The following JADE2 variants were observed in gnomAD, a reference collection of about 807,000 sequenced individuals.
The protein encoded by JADE2 is E3 ubiquitin-protein ligase Jade-2.
A neutral mutation model predicts 85.7 loss-of-function variants in JADE2; 13 were observed. The observed-to-expected ratio is 0.15, with a 90% CI of 0.10 to 0.24. The LOEUF is 0.24. Ranked by LOEUF, JADE2 falls within the 10% of genes least tolerant of loss-of-function variation. JADE2 has a pLI of 1.00. For missense variants in JADE2, 846 were observed against 1,115.9 expected (o/e 0.76, Z 3.45); for synonymous variants, 440 against 456.1 (o/e 0.96, Z 0.45).
intron 10 of JADE2, 42 bp from the exon 11 acceptor site, chr5:134,576,726 A>G (rs1351074754): frequency 3.2e-6 from 5 of 1,549,832 alleles, no homozygotes; most frequent in Non-Finnish European, 4.4e-6. Flanking sequence ...GAGGCCACTC[A>G]GGGTAACCAT....
intron 10 of JADE2, chr5:134,574,077 G>A (rs942001527): frequency 1.0e-5 from 4 of 399,520 alleles, no homozygotes; most frequent in African/African-American, 2.1e-5. Context: ...CAGAGAAGAA[G>A]TCCTAGTGGC....
At chr5:134,576,620 C>A in intron 10 of JADE2, 148 bp from the exon 11 acceptor site, 2 of 1,008,442 alleles carry the variant, frequency 2.0e-6, no homozygotes, top group Non-Finnish European at 2.9e-6. Flanking sequence ...CCCCACCATG[C>A]CAGCCATCCC....
chr5:134,566,044 G>A lies in JADE2; in HGVS notation c.970-72G>A, dbSNP rs1763621149. 4 of 1,311,766 alleles carry A rather than the reference G, an allele frequency of 3.0e-6. No homozygotes were observed. Among genetic ancestry groups the A allele is most frequent in the Non-Finnish European group, 4.3e-6 (4 of 928,730 alleles). 81.3% of individuals were successfully genotyped at this position (1,311,766 alleles called of 1,614,324 possible). A position where few individuals can be genotyped will look rare whatever the true frequency, so the allele number is the denominator to read the frequency against. ...TGCGCATTCTCAGTAGAGCCCTGGG[G>A]GAAGCCCCTCTGTCTTCTCCCCTCC... On this transcript the variant is annotated intron_variant, in intron 8 of 11. Transcript: ENST00000681547. This position sits in a 1 kb window ranked among gnomAD's most constrained non-coding sequence, Gnocchi z 6.7.
chr5:134,579,411 C>A lies in JADE2; in HGVS notation c.*94C>A. The A allele has an allele frequency of 9.9e-7, 1 of 1,006,730 alleles. No individual in the cohort carries two copies. The highest frequency in any genetic ancestry group is 1.4e-6 in the Non-Finnish European group (1 of 705,882). The allele number at this position is 1,006,730 out of a possible 1,614,324, so 62.4% of individuals were successfully genotyped here. On this transcript the variant is annotated 3_prime_UTR_variant, in exon 12 of 12. Transcript: ENST00000681547. The surrounding 1 kb of genome is among the most constrained non-coding windows in gnomAD (Gnocchi z 4.6). ...CATTTCCAGTCTCTGCTGAGTGTCC[C>A]AGACCCTCGAGGCTGCCACTCCGTC...
chr5:134,565,430 C>T (rs1763580890), intron 8 of JADE2, among the ~76,000 whole-genome samples: 1 of 152,210 alleles, frequency 6.6e-6, no homozygotes, highest in Admixed American at 6.5e-5. Context: ...GGGACTAAGT[C>T]CAGCCCCTCT....
intron 3 of JADE2, among the ~76,000 whole-genome samples, chr5:134,546,146 TTTTGTTTTTTTGTTTG>T (rs1762282151): frequency 6.6e-6 from 1 of 150,588 alleles, no homozygotes; most frequent in Admixed American, 6.6e-5. Flanking sequence ...GCATTTCGTT[TTTTGTTTTTTTGTTTG>T]TTTGTTTGTT....
intron 1 of JADE2, among the ~76,000 whole-genome samples, chr5:134,533,351 T>C (rs1443896123): frequency 6.6e-6 from 1 of 152,170 alleles, no homozygotes; most frequent in Non-Finnish European, 1.5e-5. Flanking sequence ...GTTGTAAAAA[T>C]TCTGACTCAG....
chr5:134,530,809 T>C (rs1319450627), intron 1 of JADE2, among the ~76,000 whole-genome samples: 2 of 152,018 alleles, frequency 1.3e-5, no homozygotes, highest in Non-Finnish European at 2.9e-5. Flanking sequence ...AGGCAGGCTG[T>C]GAAAACAAGG....
Position 134,578,946 on chromosome 5 carries a change from G to A in JADE2, c.2134G>A (p.Ala712Thr). Residue 712 changes from alanine (A) to threonine (T), a missense_variant, in exon 12 of 12, where the codon GCC becomes ACC. Ala to Thr is a moderately conservative substitution (Grantham distance 58). Coordinates refer to ENST00000681547, the MANE Select transcript of JADE2 (RefSeq NM_001388185.1). This position sits in a 1 kb window ranked among gnomAD's most constrained non-coding sequence, Gnocchi z 4.4. ...TGCAGCCGGGGACTGTCCCATCCTA[G>A]CCACCCCTGAAAGCCCCCCGCCACT... ...SPAAGDCPIL[A>T]TPESPPPLAP... 6.2e-7 allele frequency: 1 copy of A among 1,613,092 alleles called. No individual in the cohort carries two copies. Among genetic ancestry groups the A allele is most frequent in the Non-Finnish European group, 8.5e-7 (1 of 1,179,788 alleles).
chr5:134,533,665 G>A, intron 1 of JADE2: 1 of 701,480 alleles, frequency 1.4e-6, no homozygotes, highest in Non-Finnish European at 1.7e-6. Flanking sequence ...GCTGGGCTGG[G>A]CTGAGCTGAG....
intron 1 of JADE2, among the ~76,000 whole-genome samples, chr5:134,533,774 T>G (rs1761407653): frequency 1.4e-5 from 2 of 138,096 alleles, no homozygotes; most frequent in Admixed American, 7.5e-5. Flanking sequence ...TGAGATAAGG[T>G]CTTACTCTGT....
At chr5:134,527,883 C>T (rs541541164) in intron 1 of JADE2, among the ~76,000 whole-genome samples, 1 of 152,292 alleles carries the variant, frequency 6.6e-6, no homozygotes, top group African/African-American at 2.4e-5. Flanking sequence ...CTGCGGCCGG[C>T]GATTCTGGTC....
chr5:134,535,938 C>T (rs1013835583), intron 2 of JADE2, 23 bp downstream of exon 2: 4 of 1,607,524 alleles, frequency 2.5e-6, no homozygotes, highest in Non-Finnish European at 3.4e-6. Flanking sequence ...AGTTTGGGCT[C>T]CTACAGGGAA....
At chr5:134,547,890 C>A (rs925400317) in intron 3 of JADE2, among the ~76,000 whole-genome samples, 1 of 152,204 alleles carries the variant, frequency 6.6e-6, no homozygotes, top group South Asian at 2.1e-4. Flanking sequence ...TGGCAAAAAA[C>A]CAGGAGATTC....
intron 2 of JADE2, 123 bp downstream of exon 2, chr5:134,536,038 C>A: frequency 1.2e-6 from 1 of 845,500 alleles, no homozygotes; most frequent in South Asian, 1.5e-5. Flanking sequence ...TTGATGAAAG[C>A]ATAAATCAAG....
At chr5:134,532,653 G>A (rs1761318454) in intron 1 of JADE2, among the ~76,000 whole-genome samples, 1 of 152,114 alleles carries the variant, frequency 6.6e-6, no homozygotes, top group South Asian at 2.1e-4. Flanking sequence ...GAAGCCAGTG[G>A]AAAGGAAAAA....
At chr5:134,551,229 T>C (rs1762574091) in intron 3 of JADE2, among the ~76,000 whole-genome samples, 1 of 152,078 alleles carries the variant, frequency 6.6e-6, no homozygotes, top group Admixed American at 6.6e-5. Flanking sequence ...TTTATTTTAT[T>C]TATTTTGTTT....
At chr5:134,558,474 G>A (rs1763118790) in intron 4 of JADE2, among the ~76,000 whole-genome samples, 1 of 151,586 alleles carries the variant, frequency 6.6e-6, no homozygotes, top group African/African-American at 2.4e-5. Context: ...TGTCCTGAAT[G>A]GTAATGCCTA....
Position 134,580,973 on chromosome 5 carries a change from T to C in JADE2, c.*1656T>C, listed in dbSNP as rs954946071. ...GTGAAACCAGCATGGAAAACGTCTT[T>C]ACCATGTGGTTCCCTCCTCCCCAAA... On this transcript the variant is annotated 3_prime_UTR_variant, in exon 12 of 12. Coordinates refer to ENST00000681547, the MANE Select transcript of JADE2 (RefSeq NM_001388185.1). 1 of 152,586 alleles carries C rather than the reference T, an allele frequency of 6.6e-6. No homozygotes were observed. The highest frequency in any genetic ancestry group is 2.4e-5 in the African/African-American group (1 of 41,430). The allele number at this position is 152,586 out of a possible 1,614,324, so 9.5% of individuals were successfully genotyped here.
Sources: gnomAD v4.1 joint callset for allele counts (sites outside exome capture counted in the v4.1 genomes callset) on GRCh38, gnomAD v4.1.1 for gene constraint, Gnocchi (gnomAD v3.1) non-coding constraint, MANE v1.5 for transcripts, NCBI Gene and HGNC (gene_info 2026-07-23, HGNC 2026-07-21) for gene names.